The following TMCC1 variants were observed in gnomAD, a reference collection of about 807,000 sequenced individuals.
TMCC1 encodes the protein transmembrane and coiled-coil domains protein 1.
In TMCC1, 15 loss-of-function variants were observed where a neutral mutation model predicts 52.4. The ratio of observed to expected loss-of-function variants is 0.29; its 90% CI spans 0.19 to 0.44. The LOEUF (loss-of-function observed/expected upper bound fraction) is 0.44, where lower values mean the gene tolerates loss of function less well. Ranked by LOEUF, TMCC1 falls within the 20% of genes least tolerant of loss-of-function variation. The probability of loss-of-function intolerance (pLI) is 1.00; values close to 1 mark genes in which losing one functional copy is unlikely to be tolerated. For missense variants in TMCC1, 503 were observed against 806.0 expected, an observed-to-expected ratio of 0.62 and a Z score of 4.55; for synonymous variants, 279 against 301.9, an observed-to-expected ratio of 0.92 and a Z score of 0.79.
chr3:129,724,426 T>C (rs1252416208), intron 4 of TMCC1, among the ~76,000 whole-genome samples: 1 of 152,198 alleles, frequency 6.6e-6, no homozygotes, highest in East Asian at 1.9e-4. Flanking sequence ...ATAAACAACA[T>C]ACTGATTCTG....
intron 4 of TMCC1, among the ~76,000 whole-genome samples, chr3:129,725,949 C>T (rs148507881): frequency 1.3e-5 from 2 of 152,276 alleles, no homozygotes; most frequent in East Asian, 3.9e-4. Flanking sequence ...TTGATTTCTA[C>T]ATTTGTACCC....
intron 2 of TMCC1, among the ~76,000 whole-genome samples, chr3:129,850,942 C>T (rs751275650): frequency 7.9e-5 from 12 of 152,326 alleles, no homozygotes; most frequent in Admixed American, 4.6e-4. Context: ...TGCCTTTAAG[C>T]GGTTTTCTGC....
At chr3:129,685,772 T>C (rs1206484998) in intron 4 of TMCC1, among the ~76,000 whole-genome samples, 2 of 152,214 alleles carry the variant, frequency 1.3e-5, no homozygotes, top group African/African-American at 2.4e-5. Flanking sequence ...TACTTGACTA[T>C]ATCAAAATCT....
chr3:129,679,877 G>A (rs371865345), intron 4 of TMCC1, among the ~76,000 whole-genome samples: 30 of 151,808 alleles, frequency 2.0e-4, no homozygotes, highest in African/African-American at 6.5e-4. Flanking sequence ...AGTATTTTTT[G>A]GGTGTGCTAT....
chr3:129,763,207 AAAAT>A (rs201181579), intron 4 of TMCC1, among the ~76,000 whole-genome samples: 19,423 of 131,142 alleles, frequency 0.15, 2,920 homozygotes, highest in East Asian at 0.54. Context: ...CAAAAAATAA[AAAAT>A]AAATAAATAA....
intron 4 of TMCC1, among the ~76,000 whole-genome samples, chr3:129,814,096 T>C (rs2057978468): frequency 6.6e-6 from 1 of 152,060 alleles, no homozygotes; most frequent in African/African-American, 2.4e-5. Context: ...GCATTTCCTA[T>C]GTGGAAATGG....
chr3:129,883,072 T>C (rs1219782203), intron 1 of TMCC1, among the ~76,000 whole-genome samples: 2 of 151,764 alleles, frequency 1.3e-5, no homozygotes, highest in Non-Finnish European at 2.9e-5. Context: ...GCAGATCACC[T>C]GAGGTCAGGA....
intron 4 of TMCC1, among the ~76,000 whole-genome samples, chr3:129,702,491 T>C (rs1168351243): frequency 1.1e-4 from 17 of 152,144 alleles, no homozygotes; most frequent in Admixed American, 1.1e-3. Flanking sequence ...AAACTACCAC[T>C]TGAAAGTAAT....
At chr3:129,682,984 C>G (rs556326929) in intron 4 of TMCC1, among the ~76,000 whole-genome samples, 1 of 152,236 alleles carries the variant, frequency 6.6e-6, no homozygotes, top group Admixed American at 6.5e-5. Flanking sequence ...TACAGGCATG[C>G]GCCACCATGC....
chr3:129,784,705 G>A (rs891136809), intron 4 of TMCC1, among the ~76,000 whole-genome samples: 10 of 151,878 alleles, frequency 6.6e-5, no homozygotes, highest in African/African-American at 2.2e-4. Context: ...ACGGTGGTTC[G>A]CACTTGTAAT....
At chr3:129,761,032 AT>A (rs2053533260) in intron 4 of TMCC1, among the ~76,000 whole-genome samples, 1 of 151,840 alleles carries the variant, frequency 6.6e-6, no homozygotes, top group South Asian at 2.1e-4. Context: ...TGCCCTAAAA[AT>A]CCCCTGTGCT....
intron 4 of TMCC1, among the ~76,000 whole-genome samples, chr3:129,786,715 A>G (rs2056061955): frequency 6.6e-6 from 1 of 152,236 alleles, no homozygotes; most frequent in African/African-American, 2.4e-5. Context: ...TAAGAGTCAT[A>G]GCAGCATGCT....
At chr3:129,751,037 A>C (rs979833834) in intron 4 of TMCC1, among the ~76,000 whole-genome samples, 2 of 151,904 alleles carry the variant, frequency 1.3e-5, no homozygotes, top group African/African-American at 4.8e-5. Flanking sequence ...CCATCTTTAC[A>C]AAAAAATACA....
Position 129,858,033 on chromosome 3 carries a change from C to T in TMCC1, c.-184+22276G>A, listed in dbSNP as rs78345151. On this transcript the variant is annotated intron_variant, in intron 2 of 6. Coordinates refer to ENST00000393238, the MANE Select transcript of TMCC1 (RefSeq NM_001017395.5). The stretch of plus-strand genomic sequence containing the variant: ...GGAACTTACACTCTTGACTACTCTA[C>T]CACAGGTGTCCCTCTAAACAAAGGG... 9.2e-3 allele frequency among the ~76,000 whole-genome samples: 1,398 copies of T among 152,280 alleles called. 7 individuals carry two copies. Among genetic ancestry groups the T allele is most frequent in the Non-Finnish European group, 0.015 (989 of 68,016 alleles).
At chr3:129,719,426 G>C (rs1330731972) in intron 4 of TMCC1, among the ~76,000 whole-genome samples, 1 of 152,118 alleles carries the variant, frequency 6.6e-6, no homozygotes, top group East Asian at 1.9e-4. Context: ...CTTGAATTCT[G>C]TAAGCCACTC....
intron 2 of TMCC1, among the ~76,000 whole-genome samples, chr3:129,866,308 C>CATATATTATATATAAATATATACATAAT (rs2060635994): frequency 1.5e-5 from 2 of 133,760 alleles, no homozygotes; most frequent in African/African-American, 5.8e-5. Flanking sequence ...ATAATATATA[C>CATATATTATATATAAATATATACATAAT]ATATATTATA....
At position 129,736,098 on chromosome 3, in the gene TMCC1, T is replaced by C. The variant is rs182550793; in HGVS notation, c.577-64834A>G. 6.9e-4 allele frequency among the ~76,000 whole-genome samples: 105 copies of C among 152,292 alleles called. 2 individuals carry two copies. The highest frequency in any genetic ancestry group is 2.5e-3 in the Admixed American group (39 of 15,296). On this transcript the variant is annotated intron_variant, in intron 4 of 6. Transcript: ENST00000393238. ...TCATATGACTTGCTGGGTAAGAAAG[T>C]AGAGAATTTGTTTTTTTGATCTTAC... is the stretch of plus-strand genomic sequence containing the variant.
chr3:129,780,955 T>C (rs1339853695), intron 4 of TMCC1, among the ~76,000 whole-genome samples: 2 of 152,118 alleles, frequency 1.3e-5, no homozygotes, highest in Non-Finnish European at 2.9e-5. Context: ...ATTTAGTTCC[T>C]CTACCACATA....
rs184544309 is a variant in TMCC1, at chr3:129,751,604, C to T, written c.576+76199G>A. Among the ~76,000 whole-genome samples, 489 of 150,570 alleles carry T rather than the reference C, an allele frequency of 3.2e-3. 3 individuals carry two copies. The highest frequency in any genetic ancestry group is 0.011 in the African/African-American group (461 of 41,120). On this transcript the variant is annotated intron_variant, in intron 4 of 6. Transcript: ENST00000393238. Reference sequence around the variant, plus strand: ...CCGAGACAGAGTCTTGCTCTGTCACCCAGGCTGGAGTGCAGTGGTGCAATC... The same window carrying T: ...CCGAGACAGAGTCTTGCTCTGTCACTCAGGCTGGAGTGCAGTGGTGCAATC...
Sources: gnomAD v4.1 joint callset for allele counts (sites outside exome capture counted in the v4.1 genomes callset) on GRCh38, gnomAD v4.1.1 for gene constraint, MANE v1.5 for transcripts, NCBI Gene and HGNC (gene_info 2026-07-23, HGNC 2026-07-21) for gene names.